CCDC149: variants seen among roughly 807,000 people sequenced by gnomAD.
CCDC149 encodes the protein coiled-coil domain containing 149.
A neutral mutation model predicts 59.9 loss-of-function variants in CCDC149; 45 were observed. The ratio of observed to expected loss-of-function variants is 0.75; its 90% CI spans 0.59 to 0.96. CCDC149 has a LOEUF of 0.96. CCDC149 is among the 40% of genes least tolerant of loss of function. The pLI is 0.00. For synonymous variants in CCDC149, 245 were observed against 260.6 expected (o/e 0.94, Z 0.58); for missense variants, 584 against 664.7 (o/e 0.88, Z 1.33).
chr4:24,816,264 T>A (rs1715010116), intron 12 of CCDC149, among the ~76,000 whole-genome samples: 2 of 152,010 alleles, frequency 1.3e-5, no homozygotes, highest in South Asian at 4.2e-4. Flanking sequence ...ATGTTTTAAT[T>A]TTCTTTTTTA....
At chr4:24,962,494 T>C (rs867855527) in intron 1 of CCDC149, among the ~76,000 whole-genome samples, 20 of 152,258 alleles carry the variant, frequency 1.3e-4, no homozygotes, top group Middle Eastern at 3.4e-3. Flanking sequence ...CAGCGGACTA[T>C]CCGCTATACC....
upstream of CCDC149, among the ~76,000 whole-genome samples, chr4:24,915,132 A>G (rs144821988): frequency 7.0e-4 from 106 of 152,368 alleles, 4 homozygotes; most frequent in East Asian, 0.02. Flanking sequence ...AAGGAGCTAG[A>G]AAGAAGGTCA....
chr4:24,864,244 C>T (rs762896964), intron 3 of CCDC149, among the ~76,000 whole-genome samples: 4 of 152,188 alleles, frequency 2.6e-5, no homozygotes, highest in Admixed American at 6.5e-5. Context: ...CTGAATTCTA[C>T]TGAAAGGTTA....
chr4:24,857,413 C>T (rs1030710063), intron 3 of CCDC149, among the ~76,000 whole-genome samples: 31 of 152,278 alleles, frequency 2.0e-4, no homozygotes, highest in African/African-American at 7.2e-4. Flanking sequence ...TGTCAAATTG[C>T]TATAAAAGTT....
At chr4:24,858,562 G>A (rs73250603) in intron 3 of CCDC149, among the ~76,000 whole-genome samples, 5,309 of 152,212 alleles carry the variant, frequency 0.035, 128 homozygotes, top group Non-Finnish European at 0.051. Context: ...GGAAAGGGAG[G>A]GAAGAGAGAT....
intron 9 of CCDC149, chr4:24,827,054 A>G (rs1715796073): frequency 6.6e-6 from 1 of 152,140 alleles, no homozygotes; most frequent in South Asian, 2.1e-4. Context: ...GTCTAGGAAA[A>G]TCTCTCAGGA....
intron 12 of CCDC149, among the ~76,000 whole-genome samples, chr4:24,811,273 G>A (rs1484410723): frequency 6.6e-6 from 1 of 151,994 alleles, no homozygotes; most frequent in Non-Finnish European, 1.5e-5. Flanking sequence ...TTGCTACACT[G>A]ATCTGTAGAG....
chr4:24,834,492 G>A (rs1438843616), intron 8 of CCDC149, among the ~76,000 whole-genome samples: 1 of 152,110 alleles, frequency 6.6e-6, no homozygotes, highest in Non-Finnish European at 1.5e-5. Flanking sequence ...TTTTCTGATC[G>A]TAGAGGCCGG....
intron 1 of CCDC149, among the ~76,000 whole-genome samples, chr4:24,889,725 G>A (rs1720417648): frequency 6.6e-6 from 1 of 152,168 alleles, no homozygotes; most frequent in Non-Finnish European, 1.5e-5. Flanking sequence ...GGCTTTCCTT[G>A]TGGGCTGTGT....
intron 1 of CCDC149, among the ~76,000 whole-genome samples, chr4:24,946,583 G>A (rs1723116272): frequency 6.6e-6 from 1 of 152,056 alleles, no homozygotes; most frequent in Non-Finnish European, 1.5e-5. Flanking sequence ...ACTTTCCATT[G>A]GTTAAAACGC....
At chr4:24,852,287 TACACACACACACACACACAC>T (rs768071017) in intron 4 of CCDC149, among the ~76,000 whole-genome samples, 1 of 121,282 alleles carries the variant, frequency 8.2e-6, no homozygotes, top group Non-Finnish European at 1.7e-5. Context: ...CAACACACCA[TACACACACACACACACACAC>T]ACACACACAC....
chr4:24,923,671 A>G (rs914647180), intron 1 of CCDC149, among the ~76,000 whole-genome samples: 1 of 152,138 alleles, frequency 6.6e-6, no homozygotes, highest in African/African-American at 2.4e-5. Flanking sequence ...AATAGAGAGG[A>G]GGGAAGAGAG....
chr4:24,910,428 C>T (rs185015685), intron 1 of CCDC149, among the ~76,000 whole-genome samples: 5 of 152,166 alleles, frequency 3.3e-5, no homozygotes, highest in South Asian at 2.1e-4. Flanking sequence ...GGTTAGGTCT[C>T]GGATGCAGCT....
upstream of CCDC149, among the ~76,000 whole-genome samples, chr4:24,914,556 T>C (rs565485147): frequency 7.2e-5 from 11 of 151,962 alleles, no homozygotes; most frequent in Admixed American, 3.9e-4. Flanking sequence ...AGTGAGGCCA[T>C]TGCCTGCCGC....
chr4:24,816,874 T>G (rs1021620801), intron 12 of CCDC149, among the ~76,000 whole-genome samples: 1 of 152,200 alleles, frequency 6.6e-6, no homozygotes, highest in African/African-American at 2.4e-5. Context: ...CCACTGCCAC[T>G]GGCCCGAAAA....
Position 24,873,662 on chromosome 4 carries a change from G to T in CCDC149, c.264+19C>A. On this transcript the variant is annotated intron_variant, in intron 3 of 12. Coordinates refer to ENST00000635206, the MANE Select transcript of CCDC149 (RefSeq NM_001330643.2). ...GCTAGGTATCAATAAAAAAATCTGA[G>T]ATCAGAAATAAGTCTTACCTGTTTC... The T allele has an allele frequency of 3.2e-6, 5 of 1,571,566 alleles. No individual in the cohort carries two copies. The South Asian group carries it at 4.5e-5, about 14-fold the overall frequency.
chr4:24,960,082 C>A, intron 1 of CCDC149, among the ~76,000 whole-genome samples: 1 of 152,184 alleles, frequency 6.6e-6, no homozygotes, highest in African/African-American at 2.4e-5. Context: ...GAGTTTATAA[C>A]ATATGTAAAA....
chr4:24,913,917 C>G (rs1722039394), upstream of CCDC149, among the ~76,000 whole-genome samples: 1 of 152,190 alleles, frequency 6.6e-6, no homozygotes, highest in South Asian at 2.1e-4. Context: ...AGGTGCTGTT[C>G]CTGTGACACC....
In CCDC149 at chr4:24,862,153, A is replaced by G. The variant is rs576844991; in HGVS notation, c.265-8974T>C. Among the ~76,000 whole-genome samples, 13 of 152,274 alleles carry G rather than the reference A, an allele frequency of 8.5e-5. No homozygotes were observed. The South Asian group carries it at 2.3e-3, about 27-fold the overall frequency. ...ATGACAAGTGACAGTGAAACTGTTG[A>G]CCCCTCAAAGTGATAAACATATGCA... On this transcript the variant is annotated intron_variant, in intron 3 of 12. Transcript: ENST00000635206.
Sources: allele counts gnomAD v4.1 joint callset (sites outside exome capture counted in the v4.1 genomes callset), GRCh38; gene constraint gnomAD v4.1.1; transcripts MANE v1.5; gene names NCBI Gene and HGNC (gene_info 2026-07-23, HGNC 2026-07-21).